Variants in TP53BP1 observed in about 807,000 individuals in gnomAD.
TP53BP1 encodes TP53-binding protein 1.
Under a neutral mutation model 200.8 loss-of-function variants are expected in TP53BP1, and 61 were observed. The ratio of observed to expected loss-of-function variants is 0.30; its 90% confidence interval spans 0.25 to 0.38. TP53BP1 has a LOEUF of 0.38. Ranked by LOEUF, TP53BP1 falls within the 10% of genes least tolerant of loss-of-function variation. TP53BP1 has a pLI of 1.00. For missense variants in TP53BP1, 2,144 were observed against 2,371.9 expected (o/e 0.90, Z 2.00); for synonymous variants, 822 against 844.3 (o/e 0.97, Z 0.46).
At chr15:43,429,087 C>T (rs2045615785) in intron 17 of TP53BP1, among the ~76,000 whole-genome samples, 1 of 152,182 alleles carries the variant, frequency 6.6e-6, no homozygotes, top group Admixed American at 6.5e-5. Flanking sequence ...ACTGAGTTAA[C>T]TAACATAGCA....
chr15:43,482,226 C>T (rs2078982126), intron 4 of TP53BP1, among the ~76,000 whole-genome samples: 3 of 151,630 alleles, frequency 2.0e-5, no homozygotes, highest in Non-Finnish European at 4.4e-5. Context: ...GAGACTCCAC[C>T]TCAAAAAACA....
At chr15:43,496,542 T>G (rs1428428535), upstream of TP53BP1, among the ~76,000 whole-genome samples, 2 of 152,152 alleles carry the variant, frequency 1.3e-5, no homozygotes, top group Admixed American at 1.3e-4. Flanking sequence ...ACTCATAGTT[T>G]TGGAGCTCAG....
intron 1 of TP53BP1, chr15:43,510,288 C>CT (rs1413059161): frequency 6.6e-6 from 1 of 152,330 alleles, no homozygotes; most frequent in Admixed American, 6.5e-5. Context: ...TTGCTGCAGT[C>CT]TGAGCTCATT....
intron 18 of TP53BP1, among the ~76,000 whole-genome samples, chr15:43,427,470 A>G (rs1197782244): frequency 6.6e-6 from 1 of 152,232 alleles, no homozygotes; most frequent in African/African-American, 2.4e-5. Flanking sequence ...CAGAAAAGGA[A>G]AGCATGATGG....
intron 4 of TP53BP1, among the ~76,000 whole-genome samples, chr15:43,487,706 T>G (rs2079064997): frequency 6.7e-6 from 1 of 150,082 alleles, no homozygotes; most frequent in South Asian, 2.1e-4. Context: ...GGCTGAAGAA[T>G]CACTTAAACC....
chr15:43,406,404 T>C lies in TP53BP1; in HGVS notation c.*979A>G, dbSNP rs1837960. On this transcript the variant is annotated 3_prime_UTR_variant, in exon 28 of 28. Coordinates refer to ENST00000382044, the MANE Select transcript of TP53BP1 (RefSeq NM_001141980.3). ...ATTATCAACTAAAGATCACCCTTTC[T>C]ACTGCTGTCTCTGGAGCAGGAGCTG... is the stretch of plus-strand genomic sequence containing the variant. 78,760 of 338,294 alleles carry C rather than the reference T, an allele frequency of 0.23. 14,571 individuals carry two copies. Among genetic ancestry groups the C allele is most frequent in the African/African-American group, 0.63 (28,961 of 46,286 alleles). 21.0% of individuals were successfully genotyped at this position (338,294 alleles called of 1,614,324 possible). A position where few individuals can be genotyped will look rare whatever the true frequency, so the allele number is the denominator to read the frequency against.
At chr15:43,475,734 A>T in intron 8 of TP53BP1, 40 bp from the exon 9 acceptor site, 1 of 1,610,928 alleles carries the variant, frequency 6.2e-7, no homozygotes. Context: ...TCAGATTGAC[A>T]CTACTGAGCT....
At position 43,413,185 on chromosome 15, in the gene TP53BP1, T is replaced by C. The variant is rs2045170360; in HGVS notation, c.5239A>G (p.Ser1747Gly). 23 of 1,614,194 alleles carry C rather than the reference T, an allele frequency of 1.4e-5. No homozygotes were observed. Among genetic ancestry groups the C allele is most frequent in the Non-Finnish European group, 1.9e-5 (23 of 1,180,028 alleles). The change falls in exon 24 of 28, where the codon AGT (serine) becomes GGT (glycine). Residue 1747 changes from serine (S) to glycine (G), a missense_variant. This residue lies in a region of TP53BP1 where 334 missense variants were observed against 453.4 expected (regional missense o/e 0.74). Coordinates refer to ENST00000382044, the MANE Select transcript of TP53BP1 (RefSeq NM_001141980.3). ...YAFLLTMATTSDKLASRSKLP... is the reference protein window; with the variant it reads ...YAFLLTMATTGDKLASRSKLP... ...TTGGAGCGGCTGGCCAACTTGTCAC[T>C]GGTTGTGGCCATGGTAAGGAGAAAT...
intron 17 of TP53BP1, among the ~76,000 whole-genome samples, chr15:43,429,544 C>T (rs2045624780): frequency 7.7e-6 from 1 of 129,460 alleles, no homozygotes; most frequent in Non-Finnish European, 1.5e-5. Context: ...GGTAATTCTG[C>T]ATTTTTTTCC....
At chr15:43,486,538 AAC>A (rs2079049484) in intron 4 of TP53BP1, among the ~76,000 whole-genome samples, 2 of 152,176 alleles carry the variant, frequency 1.3e-5, no homozygotes, top group Admixed American at 1.3e-4. Flanking sequence ...TAAAACCATA[AAC>A]AGTTAAAGAG....
chr15:43,457,191 C>T lies in TP53BP1; in HGVS notation c.1417G>A (p.Glu473Lys), dbSNP rs1269831238. The stretch of plus-strand genomic sequence containing the variant: ...TTCTTCCCATCATTTGATTGTTCTT[C>T]CAGACTTGGGGAAGGAATAAAAATG... ...HDIFIPSPSLEEQSNDGKKDG... is the reference protein window; with the variant it reads ...HDIFIPSPSLKEQSNDGKKDG... Residue 473 changes from glutamate (E) to lysine (K), a missense_variant, in exon 12 of 28, where the codon GAA (glutamate) becomes AAA (lysine). By Grantham distance (56) the Glu-to-Lys change is moderately conservative (BLOSUM62 1). Around this residue, in one of 4 missense-constraint regions of TP53BP1, gnomAD observed 1,700 missense variants for 1,710.3 expected, o/e 0.99. Transcript: ENST00000382044. 1.2e-6 allele frequency: 2 copies of T among 1,611,018 alleles called. No homozygotes were observed. Among genetic ancestry groups the T allele is most frequent in the East Asian group, 4.5e-5 (2 of 44,848 alleles).
In TP53BP1 at chr15:43,406,678, C is replaced by A. The variant is rs187124120; in HGVS notation, c.*705G>T. On this transcript the variant is annotated 3_prime_UTR_variant, in exon 28 of 28. Coordinates refer to ENST00000382044, the MANE Select transcript of TP53BP1 (RefSeq NM_001141980.3). ...AGTGATGCCAGAGGAAGGGAAGGAA[C>A]TGCTTCCAGCTATTGTGACAATAAT... 4.5e-6 allele frequency: 2 copies of A among 447,466 alleles called. No individual in the cohort carries two copies. The highest frequency in any genetic ancestry group is 5.0e-5 in the Admixed American group (2 of 40,120). The allele number at this position is 447,466 out of a possible 1,614,324, so 27.7% of individuals were successfully genotyped here. A position where few individuals can be genotyped will look rare whatever the true frequency, so the allele number is the denominator to read the frequency against.
intron 18 of TP53BP1, among the ~76,000 whole-genome samples, chr15:43,426,606 A>G (rs969982039): frequency 2.6e-5 from 4 of 152,118 alleles, no homozygotes; most frequent in African/African-American, 9.7e-5. Context: ...AAAAATAGTA[A>G]TAATATGTTC....
At chr15:43,488,304 A>C (rs1056057837) in intron 4 of TP53BP1, among the ~76,000 whole-genome samples, 1 of 152,144 alleles carries the variant, frequency 6.6e-6, no homozygotes, top group African/African-American at 2.4e-5. Context: ...TCTCAAAAAA[A>C]AAAAAAAGCC....
chr15:43,416,220 C>G lies in TP53BP1; in HGVS notation c.4873+5G>C. 1 of 1,610,520 alleles carries G rather than the reference C, an allele frequency of 6.2e-7. No individual in the cohort carries two copies. The highest frequency in any genetic ancestry group is 8.5e-7 in the Non-Finnish European group (1 of 1,178,848). On this transcript the variant is annotated splice_donor_5th_base_variant and intron_variant, in intron 22 of 27. Coordinates refer to ENST00000382044, the MANE Select transcript of TP53BP1 (RefSeq NM_001141980.3). ...AAGCAGCTGTTCAGGAAGCAAAAGT[C>G]TTACCTAAGCTGATATCTGCTGCCT...
upstream of TP53BP1, among the ~76,000 whole-genome samples, chr15:43,494,868 T>C (rs899384878): frequency 1.3e-5 from 2 of 152,182 alleles, no homozygotes; most frequent in African/African-American, 4.8e-5. Context: ...AACAGATCTG[T>C]TTGATTACTT....
At chr15:43,443,008 T>A (rs1480166030) in intron 14 of TP53BP1, among the ~76,000 whole-genome samples, 3 of 150,436 alleles carry the variant, frequency 2.0e-5, no homozygotes, top group Non-Finnish European at 4.4e-5. Context: ...ATATTTTTAG[T>A]AGAGATGGGG....
intron 16 of TP53BP1, among the ~76,000 whole-genome samples, chr15:43,433,535 T>C (rs1049233437): frequency 2.0e-5 from 3 of 152,240 alleles, no homozygotes; most frequent in Non-Finnish European, 4.4e-5. Flanking sequence ...CACAGCTTAA[T>C]ATAAAATAGA....
intron 4 of TP53BP1, among the ~76,000 whole-genome samples, chr15:43,483,233 AACACACACACACAC>A (rs71431896): frequency 9.1e-5 from 13 of 142,726 alleles, no homozygotes; most frequent in Admixed American, 1.4e-4. Context: ...AAAAGTACAG[AACACACACACACAC>A]ACACACACAC....
Sources: allele counts gnomAD v4.1 joint callset (sites outside exome capture counted in the v4.1 genomes callset), GRCh38; gene constraint gnomAD v4.1.1; regional missense constraint gnomAD v4.1.1; transcripts MANE v1.5; gene names NCBI Gene and HGNC (gene_info 2026-07-23, HGNC 2026-07-21).